Variants in CTNNA3 observed in about 807,000 individuals in gnomAD.
The protein encoded by CTNNA3 is catenin alpha-3.
A neutral mutation model predicts 95.7 loss-of-function variants in CTNNA3; 76 were observed. The observed-to-expected ratio is 0.79, with a 90% CI of 0.66 to 0.96. CTNNA3 has a LOEUF of 0.96. Ranked by LOEUF, CTNNA3 falls within the 40% of genes least tolerant of loss-of-function variation. The pLI, the probability that CTNNA3 is intolerant of heterozygous loss-of-function variation, is 0.00. For missense variants in CTNNA3, 1,191 were observed against 1,089.8 expected (o/e 1.09, Z -1.31); for synonymous variants, 431 against 374.4 (o/e 1.15, Z -1.74).
Position 66,669,771 on chromosome 10 carries a change from T to C in CTNNA3, c.1282-47987A>G, listed in dbSNP as rs79029580. Among the ~76,000 whole-genome samples the C allele has an allele frequency of 2.7e-3, 406 of 152,142 alleles. 18 individuals carry two copies. In the East Asian group the frequency reaches 0.064, roughly 24 times the overall value. On this transcript the variant is annotated intron_variant, in intron 9 of 17. Coordinates refer to ENST00000433211, the MANE Select transcript of CTNNA3 (RefSeq NM_013266.4). Reference sequence around the variant, plus strand: ...TTTTCCAAGCTTTGATAAAATCTATTGAGGAGGTAAAGAGAGGATTCATCT... The same window carrying C: ...TTTTCCAAGCTTTGATAAAATCTATCGAGGAGGTAAAGAGAGGATTCATCT...
At chr10:66,595,886 T>C (rs1843698169) in intron 10 of CTNNA3, among the ~76,000 whole-genome samples, 1 of 151,914 alleles carries the variant, frequency 6.6e-6, no homozygotes. Flanking sequence ...TGGCCTCAAG[T>C]CATCCTCCTC....
intron 7 of CTNNA3, among the ~76,000 whole-genome samples, chr10:66,899,436 T>A (rs932866226): frequency 6.6e-6 from 1 of 152,200 alleles, no homozygotes; most frequent in African/African-American, 2.4e-5. Flanking sequence ...CGGAAGCTCC[T>A]AGCAAGATCG....
chr10:66,007,118 A>G (rs1488932901), intron 15 of CTNNA3, among the ~76,000 whole-genome samples: 2 of 152,180 alleles, frequency 1.3e-5, no homozygotes, highest in African/African-American at 4.8e-5. Flanking sequence ...CAGACTGAGT[A>G]TGACTTGAGA....
At chr10:67,557,305 C>T (rs118050915) in intron 3 of CTNNA3, among the ~76,000 whole-genome samples, 4,683 of 152,180 alleles carry the variant, frequency 0.031, 106 homozygotes, top group Non-Finnish European at 0.046. Flanking sequence ...TATAATAAAC[C>T]ATACATAGTA....
At chr10:66,186,031 G>A (rs2086325028) in intron 13 of CTNNA3, among the ~76,000 whole-genome samples, 1 of 151,774 alleles carries the variant, frequency 6.6e-6, no homozygotes, top group South Asian at 2.1e-4. Context: ...CAAAGTTATA[G>A]TTAGGAGGAA....
At chr10:66,797,420 A>C (rs1292517863) in intron 7 of CTNNA3, among the ~76,000 whole-genome samples, 1 of 147,022 alleles carries the variant, frequency 6.8e-6, no homozygotes, top group East Asian at 2.0e-4. Flanking sequence ...AAAAAAAAAA[A>C]AACCCACATT....
chr10:67,669,659 AC>A (rs1282510901), intron 1 of CTNNA3, among the ~76,000 whole-genome samples: 3 of 152,246 alleles, frequency 2.0e-5, no homozygotes, highest in Non-Finnish European at 4.4e-5. Context: ...AATGCTAATT[AC>A]CATGCCAAAT....
chr10:67,622,334 A>G (rs972179061), intron 2 of CTNNA3, among the ~76,000 whole-genome samples: 7 of 152,256 alleles, frequency 4.6e-5, no homozygotes, highest in Admixed American at 4.6e-4. Flanking sequence ...AAGCTAAGTT[A>G]GAAGTGGGTA....
intron 13 of CTNNA3, among the ~76,000 whole-genome samples, chr10:66,229,813 C>A (rs1292629769): frequency 6.6e-6 from 1 of 152,000 alleles, no homozygotes; most frequent in African/African-American, 2.4e-5. Context: ...TAGGTTTCTG[C>A]CTTTTAGCAT....
At chr10:66,519,925 AAT>A (rs1402756365) in intron 11 of CTNNA3, among the ~76,000 whole-genome samples, 1 of 152,052 alleles carries the variant, frequency 6.6e-6, no homozygotes, top group Non-Finnish European at 1.5e-5. Context: ...TTTTCTCACT[AAT>A]ATGTTTTTTT....
At chr10:67,713,501 G>A (rs185099877) in intron 1 of CTNNA3, among the ~76,000 whole-genome samples, 9 of 152,190 alleles carry the variant, frequency 5.9e-5, no homozygotes, top group South Asian at 2.1e-4. Context: ...TTATTGCAGC[G>A]CTATTCACAA....
chr10:66,756,057 T>C (rs2132746641), intron 9 of CTNNA3, among the ~76,000 whole-genome samples: 1 of 152,284 alleles, frequency 6.6e-6, no homozygotes, highest in African/African-American at 2.4e-5. Flanking sequence ...TTGAAGAACA[T>C]TTGCCCTTTT....
At chr10:66,743,923 C>G (rs1478730212) in intron 9 of CTNNA3, among the ~76,000 whole-genome samples, 4 of 123,054 alleles carry the variant, frequency 3.3e-5, no homozygotes, top group African/African-American at 1.3e-4. Flanking sequence ...TTGCAGTGAG[C>G]TGAGATAGTG....
At chr10:66,294,067 G>T (rs925017906) in intron 12 of CTNNA3, among the ~76,000 whole-genome samples, 2 of 152,124 alleles carry the variant, frequency 1.3e-5, no homozygotes, top group Non-Finnish European at 2.9e-5. Flanking sequence ...TAACCATCAT[G>T]CTAATAGCCC....
chr10:66,066,650 C>T (rs2080319085), intron 15 of CTNNA3, among the ~76,000 whole-genome samples: 1 of 152,080 alleles, frequency 6.6e-6, no homozygotes, highest in Admixed American at 6.6e-5. Flanking sequence ...TTATGAAATT[C>T]CATGTATAAT....
chr10:67,338,296 G>C (rs960201943), intron 5 of CTNNA3, among the ~76,000 whole-genome samples: 3 of 152,030 alleles, frequency 2.0e-5, no homozygotes, highest in African/African-American at 7.2e-5. Flanking sequence ...AGCAAGGTGT[G>C]GGGGGAGGTG....
intron 15 of CTNNA3, among the ~76,000 whole-genome samples, chr10:66,011,762 A>C (rs909450693): frequency 3.3e-5 from 5 of 152,152 alleles, no homozygotes; most frequent in African/African-American, 1.2e-4. Flanking sequence ...GACACACAGC[A>C]ACTCTCTTTC....
chr10:65,943,663 T>G (rs571969947), intron 17 of CTNNA3, among the ~76,000 whole-genome samples: 1 of 152,272 alleles, frequency 6.6e-6, no homozygotes, highest in South Asian at 2.1e-4. Context: ...GGTCACTACT[T>G]TATGATTCAA....
At chr10:67,555,107 G>A (rs1841189035) in intron 3 of CTNNA3, among the ~76,000 whole-genome samples, 1 of 152,124 alleles carries the variant, frequency 6.6e-6, no homozygotes. Flanking sequence ...CTGTTTCATT[G>A]GTTGATATCT....
Sources: allele counts gnomAD v4.1 joint callset (sites outside exome capture counted in the v4.1 genomes callset), GRCh38; gene constraint gnomAD v4.1.1; transcripts MANE v1.5; gene names NCBI Gene and HGNC (gene_info 2026-07-23, HGNC 2026-07-21).